Variants in STXBP5L observed in about 807,000 individuals in gnomAD.
The protein encoded by STXBP5L is syntaxin binding protein 5L.
A neutral mutation model predicts 144.5 loss-of-function variants in STXBP5L; 65 were observed. The ratio of observed to expected loss-of-function variants is 0.45; its 90% CI spans 0.37 to 0.55. The LOEUF (loss-of-function observed/expected upper bound fraction) is 0.55. Ranked by LOEUF, STXBP5L falls within the 20% of genes least tolerant of loss-of-function variation. The pLI is 0.00. For synonymous variants in STXBP5L, 505 were observed against 469.6 expected (o/e 1.08, Z -0.97); for missense variants, 1,298 against 1,405.5 (o/e 0.92, Z 1.22).
At chr3:121,250,199 G>A (rs935623597) in intron 14 of STXBP5L, among the ~76,000 whole-genome samples, 1 of 151,862 alleles carries the variant, frequency 6.6e-6, no homozygotes, top group African/African-American at 2.4e-5. Flanking sequence ...GTAATGCTGA[G>A]TTCATCAAAA....
chr3:121,397,465 C>G (rs1175365272), intron 22 of STXBP5L, among the ~76,000 whole-genome samples: 1 of 152,204 alleles, frequency 6.6e-6, no homozygotes, highest in Non-Finnish European at 1.5e-5. Context: ...TTTCTCTTTA[C>G]TTAGCGGCCA....
chr3:121,398,712 T>G (rs1240749150), intron 22 of STXBP5L, among the ~76,000 whole-genome samples: 4 of 152,212 alleles, frequency 2.6e-5, no homozygotes, highest in Non-Finnish European at 4.4e-5. Context: ...CCATTGCCTG[T>G]GCCAACAAAG....
chr3:121,173,018 A>T lies in STXBP5L; in HGVS notation c.877+15391A>T, dbSNP rs536148988. ...TGCAGCCATAAAAAAGGATGAGTTCATGTTCTTTATAAGGACATGGATGAA... is the reference window on the plus strand; with the variant it reads ...TGCAGCCATAAAAAAGGATGAGTTCTTGTTCTTTATAAGGACATGGATGAA... On this transcript the variant is annotated intron_variant, in intron 9 of 26. Coordinates refer to ENST00000471454, the MANE Select transcript of STXBP5L (RefSeq NM_001308330.2). Among the ~76,000 whole-genome samples, 8 of 152,338 alleles carry T rather than the reference A, an allele frequency of 5.3e-5. No homozygotes were observed. The South Asian group carries it at 1.7e-3, about 32-fold the overall frequency.
rs202128204 is a variant in STXBP5L at position 121,218,537 on chromosome 3, AC to A, written c.957-4465del. Reference sequence around the variant, plus strand: ...GTGATTTCCATACAACATGGAAGTTACTTTTATAGAGATATGCTATGGGAGC... The same window carrying A: ...GTGATTTCCATACAACATGGAAGTTATTTTATAGAGATATGCTATGGGAGC... On this transcript the variant is annotated intron_variant, in intron 10 of 26. Coordinates refer to ENST00000471454, the MANE Select transcript of STXBP5L (RefSeq NM_001308330.2). 7.2e-3 allele frequency among the ~76,000 whole-genome samples: 1,092 copies of A among 151,922 alleles called. 17 individuals are homozygous for A. Among genetic ancestry groups the A allele is most frequent in the African/African-American group, 0.025 (1,033 of 41,432 alleles).
At chr3:120,972,466 T>TCA (rs1262223210) in intron 3 of STXBP5L, among the ~76,000 whole-genome samples, 1 of 152,142 alleles carries the variant, frequency 6.6e-6, no homozygotes, top group African/African-American at 2.4e-5. Context: ...TAGGAGTCTT[T>TCA]TGGAGGAGCA....
At chr3:120,952,171 G>A (rs1303811435) in intron 2 of STXBP5L, among the ~76,000 whole-genome samples, 1 of 148,006 alleles carries the variant, frequency 6.8e-6, no homozygotes, top group South Asian at 2.2e-4. Flanking sequence ...GGGGGGATGG[G>A]GGAGGGATAG....
intron 5 of STXBP5L, chr3:121,099,296 A>T (rs1272089045): frequency 6.6e-6 from 1 of 152,256 alleles, no homozygotes; most frequent in Non-Finnish European, 1.5e-5. Flanking sequence ...GACATGATTC[A>T]GAGATACCTC....
intron 20 of STXBP5L, chr3:121,357,909 A>G (rs1230287622): frequency 6.6e-6 from 1 of 152,200 alleles, no homozygotes; most frequent in African/African-American, 2.4e-5. Context: ...CATCACTCAA[A>G]TACCTATTTA....
intron 22 of STXBP5L, among the ~76,000 whole-genome samples, chr3:121,400,515 C>T (rs1040674031): frequency 2.0e-5 from 3 of 152,080 alleles, no homozygotes; most frequent in African/African-American, 7.2e-5. Context: ...TGGGAGTCAC[C>T]CCTCTTCTAT....
At chr3:120,921,672 T>C (rs1005156178) in intron 2 of STXBP5L, among the ~76,000 whole-genome samples, 21 of 152,000 alleles carry the variant, frequency 1.4e-4, no homozygotes, top group Admixed American at 3.3e-4. Flanking sequence ...GGGCCTAGTT[T>C]CATTATTTTG....
intron 5 of STXBP5L, among the ~76,000 whole-genome samples, chr3:121,112,110 G>A (rs1469571803): frequency 3.3e-5 from 5 of 152,024 alleles, no homozygotes; most frequent in Non-Finnish European, 7.4e-5. Flanking sequence ...GAATGGAGCT[G>A]CATTTATGGC....
At chr3:121,074,966 C>T (rs554974204) in intron 5 of STXBP5L, among the ~76,000 whole-genome samples, 65 of 152,176 alleles carry the variant, frequency 4.3e-4, no homozygotes, top group Non-Finnish European at 7.3e-4. Flanking sequence ...ATGGCCCAAT[C>T]GCTTGAGTTA....
chr3:121,282,333 T>C, intron 19 of STXBP5L: 2 of 1,611,276 alleles, frequency 1.2e-6, no homozygotes, highest in Non-Finnish European at 1.7e-6. Flanking sequence ...GTACTTCCTA[T>C]CAGAGTAAGT....
intron 9 of STXBP5L, among the ~76,000 whole-genome samples, chr3:121,174,531 G>C (rs2046856541): frequency 6.6e-6 from 1 of 152,118 alleles, no homozygotes; most frequent in Non-Finnish European, 1.5e-5. Context: ...TCTGGGGAGA[G>C]AAAGGTGCCA....
rs191570468 is a variant in STXBP5L, at chr3:121,001,520, G to A, written c.288-40180G>A. 4.6e-5 allele frequency among the ~76,000 whole-genome samples: 7 copies of A among 152,276 alleles called. 1 individual carries two copies. The highest frequency in any genetic ancestry group is 1.4e-4 in the African/African-American group (6 of 41,554). ...TGTGCTCCACTGCAGCCATTCCCACGTCAAACCCTCTGGGCTTTGCAGGAT... is the reference window on the plus strand; with the variant it reads ...TGTGCTCCACTGCAGCCATTCCCACATCAAACCCTCTGGGCTTTGCAGGAT... On this transcript the variant is annotated intron_variant, in intron 3 of 26. Coordinates refer to ENST00000471454, the MANE Select transcript of STXBP5L (RefSeq NM_001308330.2).
intron 3 of STXBP5L, among the ~76,000 whole-genome samples, chr3:120,990,352 G>A (rs1246256465): frequency 1.3e-5 from 2 of 152,176 alleles, no homozygotes; most frequent in Non-Finnish European, 2.9e-5. Context: ...TGGATAGGAA[G>A]AATCAATATC....
chr3:120,975,802 C>A (rs1373362553), intron 3 of STXBP5L, among the ~76,000 whole-genome samples: 6 of 152,042 alleles, frequency 3.9e-5, no homozygotes, highest in Non-Finnish European at 5.9e-5. Flanking sequence ...TTGAGATAAT[C>A]ATGTGGTTTT....
chr3:121,027,305 T>C (rs2107487780), intron 3 of STXBP5L, among the ~76,000 whole-genome samples: 1 of 152,152 alleles, frequency 6.6e-6, no homozygotes, highest in South Asian at 2.1e-4. Context: ...AGGAAATTAG[T>C]GTAAGAAAAG....
At chr3:121,309,318 C>A (rs961894032) in intron 19 of STXBP5L, among the ~76,000 whole-genome samples, 4 of 151,706 alleles carry the variant, frequency 2.6e-5, no homozygotes, top group Non-Finnish European at 5.9e-5. Context: ...ATCATATGAA[C>A]AACAGCCATA....
Sources: allele counts gnomAD v4.1 joint callset (sites outside exome capture counted in the v4.1 genomes callset), GRCh38; gene constraint gnomAD v4.1.1; transcripts MANE v1.5; gene names NCBI Gene and HGNC (gene_info 2026-07-23, HGNC 2026-07-21).